The following SIK2 variants were observed in gnomAD, a reference collection of about 807,000 sequenced individuals.
SIK2 encodes salt inducible kinase 2.
Under a neutral mutation model 103.2 loss-of-function variants are expected in SIK2, and 29 were observed. That is an observed-to-expected ratio of 0.28 (90% CI 0.21 to 0.38). The LOEUF (loss-of-function observed/expected upper bound fraction) is 0.38. Ranked by LOEUF, SIK2 falls within the 10% of genes least tolerant of loss-of-function variation. The pLI is 1.00. For missense variants in SIK2, 879 were observed against 1,171.0 expected, an observed-to-expected ratio of 0.75 and a Z score of 3.64; for synonymous variants, 412 against 446.1, an observed-to-expected ratio of 0.92 and a Z score of 0.96.
intron 4 of SIK2, among the ~76,000 whole-genome samples, chr11:111,694,158 A>G (rs532924515): frequency 6.6e-6 from 1 of 152,336 alleles, no homozygotes; most frequent in African/African-American, 2.4e-5. Flanking sequence ...TATTATTTGT[A>G]TTCAATGTAT....
At chr11:111,697,403 G>A (rs1943102370) in intron 4 of SIK2, among the ~76,000 whole-genome samples, 2 of 152,130 alleles carry the variant, frequency 1.3e-5, no homozygotes, top group South Asian at 2.1e-4. Context: ...CCCTGCTCCC[G>A]AGGAACTTAG....
intron 3 of SIK2, among the ~76,000 whole-genome samples, chr11:111,681,282 A>C (rs1011977194): frequency 6.6e-6 from 1 of 152,214 alleles, no homozygotes; most frequent in African/African-American, 2.4e-5. Context: ...CATTTTTATT[A>C]GACTTTCAGT....
chr11:111,693,109 G>A (rs193097276), intron 4 of SIK2, among the ~76,000 whole-genome samples: 27 of 152,108 alleles, frequency 1.8e-4, no homozygotes, highest in African/African-American at 5.1e-4. Flanking sequence ...CAAGGTGGGC[G>A]GATCACGAGG....
At chr11:111,681,506 T>C (rs1942777337) in intron 3 of SIK2, among the ~76,000 whole-genome samples, 1 of 152,230 alleles carries the variant, frequency 6.6e-6, no homozygotes, top group Admixed American at 6.5e-5. Flanking sequence ...TATGCTGGTC[T>C]CAGACTCCTT....
At chr11:111,610,010 C>A (rs1425351893) in intron 1 of SIK2, among the ~76,000 whole-genome samples, 1 of 152,098 alleles carries the variant, frequency 6.6e-6, no homozygotes, top group African/African-American at 2.4e-5. Context: ...ACATGTTAAT[C>A]CCTTGTAATT....
rs1055427860 is a variant in SIK2 at position 111,655,336 on chromosome 11, G to A, written c.317-32665G>A. ...AGAGAATTGCTTGAAACCAGGAGGC[G>A]GAGGTTGCAGTGAGCCAAGATTGCG... On this transcript the variant is annotated intron_variant, in intron 3 of 14. Coordinates refer to ENST00000304987, the MANE Select transcript of SIK2 (RefSeq NM_015191.3). 1.6e-4 allele frequency among the ~76,000 whole-genome samples: 24 copies of A among 152,122 alleles called. 1 individual carries two copies. The highest frequency in any genetic ancestry group is 1.4e-3 in the Admixed American group (21 of 15,284).
Position 111,724,086 on chromosome 11 carries a change from A to G in SIK2, c.2738A>G (p.Asp913Gly). The G allele has an allele frequency of 6.2e-7, 1 of 1,613,330 alleles. No homozygotes were observed. The highest frequency in any genetic ancestry group is 8.5e-7 in the Non-Finnish European group (1 of 1,180,016). ...LPGLFDCEML[D>G]AVDPQHNGYV... is the part of the protein sequence containing the mutation. ...GGACTCTTTGATTGTGAAATGCTAG[A>G]CGCTGTGGATCCACAACACAACGGG... is the stretch of plus-strand genomic sequence containing the variant. Residue 913 changes from aspartate (D) to glycine (G), a missense_variant, in exon 15 of 15, where the codon GAC becomes GGC. Physicochemically the swap from Asp to Gly is moderately conservative, Grantham distance 94 (BLOSUM62 -1). This residue lies in a region of SIK2 where 375 missense variants were observed against 416.3 expected (regional missense o/e 0.90). Coordinates refer to ENST00000304987, the MANE Select transcript of SIK2 (RefSeq NM_015191.3).
At chr11:111,663,753 G>A (rs762783136) in intron 3 of SIK2, among the ~76,000 whole-genome samples, 21 of 152,130 alleles carry the variant, frequency 1.4e-4, no homozygotes, top group Non-Finnish European at 1.2e-4. Flanking sequence ...CAAGAGCTTC[G>A]GGGTACGTTT....
rs1943835366 is a variant in SIK2 at position 111,722,613 on chromosome 11, A to G, written c.2056-52A>G. On this transcript the variant is annotated intron_variant, in intron 13 of 14. Coordinates refer to ENST00000304987, the MANE Select transcript of SIK2 (RefSeq NM_015191.3). The surrounding 1 kb of genome is among the most constrained non-coding windows in gnomAD (Gnocchi z 4.4). ...AGGCAGAAGCACATCTGATGACTGCATCCTAGGTGACAGCACATTGTCACG... is the reference window on the plus strand; with the variant it reads ...AGGCAGAAGCACATCTGATGACTGCGTCCTAGGTGACAGCACATTGTCACG... The G allele has an allele frequency of 6.5e-7, 1 of 1,546,804 alleles. No individual in the cohort carries two copies. The highest frequency in any genetic ancestry group is 1.4e-5 in the African/African-American group (1 of 73,410).
At chr11:111,668,871 G>A (rs1942585124) in intron 3 of SIK2, among the ~76,000 whole-genome samples, 1 of 152,188 alleles carries the variant, frequency 6.6e-6, no homozygotes, top group South Asian at 2.1e-4. Flanking sequence ...TTCTGGACAT[G>A]TCATAGTTAA....
At chr11:111,606,725 G>C (rs1941653456) in intron 1 of SIK2, among the ~76,000 whole-genome samples, 1 of 151,984 alleles carries the variant, frequency 6.6e-6, no homozygotes, top group Middle Eastern at 3.2e-3. Flanking sequence ...AGTCCTAAAA[G>C]GAAATTTCCT....
At chr11:111,632,893 T>G (rs1401247713) in intron 3 of SIK2, among the ~76,000 whole-genome samples, 1 of 152,122 alleles carries the variant, frequency 6.6e-6, no homozygotes, top group Non-Finnish European at 1.5e-5. Context: ...AATATAACTG[T>G]TCCTCTTAAT....
chr11:111,628,180 A>G (rs948668401), intron 3 of SIK2, among the ~76,000 whole-genome samples: 2 of 152,180 alleles, frequency 1.3e-5, no homozygotes, highest in African/African-American at 2.4e-5. Context: ...GTAGGTATGG[A>G]CAACCAAATT....
chr11:111,621,238 A>G (rs1941881371), intron 3 of SIK2, among the ~76,000 whole-genome samples: 1 of 152,192 alleles, frequency 6.6e-6, no homozygotes. Context: ...GCCCCATCTG[A>G]CACCCAAAAA....
intron 3 of SIK2, among the ~76,000 whole-genome samples, chr11:111,685,847 GA>G (rs1301237021): frequency 7.2e-5 from 11 of 151,996 alleles, no homozygotes; most frequent in Non-Finnish European, 1.5e-4. Flanking sequence ...GTGAGGCCCT[GA>G]CTAAAAAATA....
chr11:111,603,901 G>A (rs1941615984), intron 1 of SIK2, among the ~76,000 whole-genome samples: 1 of 152,168 alleles, frequency 6.6e-6, no homozygotes, highest in African/African-American at 2.4e-5. Context: ...TAAGGCGAAG[G>A]GCACTTGCAA....
intron 3 of SIK2, among the ~76,000 whole-genome samples, chr11:111,672,667 T>C (rs574110249): frequency 4.3e-4 from 66 of 152,278 alleles, no homozygotes; most frequent in African/African-American, 1.5e-3. Context: ...AGCTGCTGAC[T>C]AAACACCTAC....
At chr11:111,715,964 G>C (rs1943631257) in intron 9 of SIK2, among the ~76,000 whole-genome samples, 1 of 151,980 alleles carries the variant, frequency 6.6e-6, no homozygotes, top group South Asian at 2.1e-4. Context: ...ACCACACCCA[G>C]CTAAGTTCTG....
chr11:111,715,690 G>A (rs956748373), intron 9 of SIK2, among the ~76,000 whole-genome samples: 1 of 152,040 alleles, frequency 6.6e-6, no homozygotes, highest in Non-Finnish European at 1.5e-5. Context: ...CCATATGGGA[G>A]GGCAGATGCA....
Sources: gnomAD v4.1 joint callset for allele counts (sites outside exome capture counted in the v4.1 genomes callset) on GRCh38, gnomAD v4.1.1 for gene constraint, gnomAD v4.1.1 regional missense constraint, Gnocchi (gnomAD v3.1) non-coding constraint, MANE v1.5 for transcripts, NCBI Gene and HGNC (gene_info 2026-07-23, HGNC 2026-07-21) for gene names.